The following PRKG1 variants were observed in gnomAD, a reference collection of about 807,000 sequenced individuals.
PRKG1 encodes cGMP-dependent protein kinase 1.
In PRKG1, 35 loss-of-function variants were observed where a neutral mutation model predicts 88.1. The ratio of observed to expected loss-of-function variants is 0.40; its 90% CI spans 0.30 to 0.53. PRKG1 has a LOEUF of 0.53. Ranked by LOEUF, PRKG1 falls within the 20% of genes least tolerant of loss-of-function variation. PRKG1 has a pLI of 0.59. For synonymous variants in PRKG1, 303 were observed against 292.5 expected, an observed-to-expected ratio of 1.04 and a Z score of -0.37; for missense variants, 540 against 839.8, an observed-to-expected ratio of 0.64 and a Z score of 4.41.
intron 5 of PRKG1, among the ~76,000 whole-genome samples, chr10:51,943,067 G>A (rs956122725): frequency 1.3e-5 from 2 of 151,968 alleles, no homozygotes; most frequent in Non-Finnish European, 2.9e-5. Flanking sequence ...TCACGATAAT[G>A]ATTCTTCCTA....
chr10:51,830,530 T>C (rs934095542), intron 4 of PRKG1, among the ~76,000 whole-genome samples: 2 of 151,700 alleles, frequency 1.3e-5, no homozygotes, highest in Non-Finnish European at 2.9e-5. Flanking sequence ...TAATTACTTA[T>C]TGAACTTCTC....
At chr10:51,141,713 A>G (rs1248185429) in intron 1 of PRKG1, among the ~76,000 whole-genome samples, 1 of 151,728 alleles carries the variant, frequency 6.6e-6, no homozygotes, top group Non-Finnish European at 1.5e-5. Flanking sequence ...CTTTCTTCCT[A>G]CCCCCTCTGT....
intron 4 of PRKG1, among the ~76,000 whole-genome samples, chr10:51,856,626 T>C (rs1326989999): frequency 1.3e-5 from 2 of 152,156 alleles, no homozygotes; most frequent in African/African-American, 4.8e-5. Flanking sequence ...AACGAAGTAT[T>C]AATATTGTAA....
intron 2 of PRKG1, among the ~76,000 whole-genome samples, chr10:51,324,604 G>A (rs1588839865): frequency 6.6e-6 from 1 of 151,662 alleles, no homozygotes; most frequent in Non-Finnish European, 1.5e-5. Flanking sequence ...AGCCGGGCGT[G>A]GTGGCGGGCG....
At chr10:51,419,337 T>C (rs150622478) in intron 2 of PRKG1, among the ~76,000 whole-genome samples, 16 of 152,270 alleles carry the variant, frequency 1.1e-4, no homozygotes, top group Admixed American at 7.9e-4. Context: ...AGGAATCTTA[T>C]GTAAAAGAAT....
chr10:51,134,059 C>T (rs1393918174), intron 1 of PRKG1, among the ~76,000 whole-genome samples: 1 of 152,128 alleles, frequency 6.6e-6, no homozygotes, highest in Non-Finnish European at 1.5e-5. Flanking sequence ...AAAAGTCTTA[C>T]AGATCTCAAA....
At chr10:52,035,294 G>A (rs897899717) in intron 5 of PRKG1, among the ~76,000 whole-genome samples, 1 of 152,130 alleles carries the variant, frequency 6.6e-6, no homozygotes, top group Non-Finnish European at 1.5e-5. Flanking sequence ...CCTGGGTGGG[G>A]CAAATCCTTG....
At chr10:51,990,143 A>G (rs903380212) in intron 5 of PRKG1, among the ~76,000 whole-genome samples, 3 of 152,126 alleles carry the variant, frequency 2.0e-5, no homozygotes, top group African/African-American at 7.2e-5. Flanking sequence ...CCCTAAATGC[A>G]TAAATTTATT....
intron 5 of PRKG1, among the ~76,000 whole-genome samples, chr10:51,939,049 C>T (rs1283283360): frequency 6.6e-6 from 1 of 151,880 alleles, no homozygotes; most frequent in Non-Finnish European, 1.5e-5. Context: ...AAAAATTCTT[C>T]TCGTTATGTG....
intron 4 of PRKG1, among the ~76,000 whole-genome samples, chr10:51,805,537 A>AT (rs1839282564): frequency 1.3e-5 from 2 of 152,054 alleles, no homozygotes; most frequent in South Asian, 4.1e-4. Flanking sequence ...TGAGCATATA[A>AT]TGAGTGTACT....
chr10:51,210,513 C>A (rs1838185078), intron 2 of PRKG1, among the ~76,000 whole-genome samples: 1 of 152,088 alleles, frequency 6.6e-6, no homozygotes, highest in African/African-American at 2.4e-5. Context: ...TTCAAAAAAT[C>A]AATGAATCCA....
chr10:51,876,223 T>TACACAC (rs3029926), intron 4 of PRKG1, among the ~76,000 whole-genome samples: 15 of 150,216 alleles, frequency 1.0e-4, no homozygotes, highest in South Asian at 4.2e-4. Flanking sequence ...ATATTTGTGT[T>TACACAC]ACACACACAC....
chr10:51,458,983 G>C (rs910246097), intron 2 of PRKG1, among the ~76,000 whole-genome samples: 4 of 152,096 alleles, frequency 2.6e-5, no homozygotes, highest in African/African-American at 9.7e-5. Flanking sequence ...CTAATGCCTT[G>C]AAATTTAGAT....
intron 9 of PRKG1, among the ~76,000 whole-genome samples, chr10:52,166,839 G>GTATATATATATTTATATATATGTATA (rs375678645): frequency 1.1e-5 from 1 of 90,494 alleles, no homozygotes. Flanking sequence ...GTATATATAT[G>GTATATATATATTTATATATATGTATA]TATATATATG....
At chr10:51,536,662 T>G (rs1842158359) in intron 3 of PRKG1, among the ~76,000 whole-genome samples, 1 of 152,024 alleles carries the variant, frequency 6.6e-6, no homozygotes, top group Admixed American at 6.6e-5. Flanking sequence ...TTATTATTAT[T>G]ATTATACTTT....
chr10:51,667,429 G>A, intron 3 of PRKG1, among the ~76,000 whole-genome samples: 1 of 151,956 alleles, frequency 6.6e-6, no homozygotes, highest in East Asian at 1.9e-4. Flanking sequence ...AAGCTAACTG[G>A]GTTTTTAACT....
intron 4 of PRKG1, among the ~76,000 whole-genome samples, chr10:51,854,141 G>A (rs1413447483): frequency 6.6e-6 from 1 of 152,018 alleles, no homozygotes; most frequent in East Asian, 1.9e-4. Flanking sequence ...TTTGATACAC[G>A]AGTCATAGTC....
At chr10:52,166,787 C>CTA (rs201538311) in intron 9 of PRKG1, among the ~76,000 whole-genome samples, 1,132 of 12,426 alleles carry the variant, frequency 0.091, 62 homozygotes, top group South Asian at 0.48. Flanking sequence ...ATAAAAAAGC[C>CTA]TATATATATA....
intron 1 of PRKG1, among the ~76,000 whole-genome samples, chr10:51,058,028 A>G (rs921256237): frequency 1.3e-5 from 2 of 152,112 alleles, no homozygotes; most frequent in Non-Finnish European, 2.9e-5. Context: ...ATTGCTGTGA[A>G]TTCTTTTCAA....
Sources: gnomAD v4.1 joint callset for allele counts (sites outside exome capture counted in the v4.1 genomes callset) on GRCh38, gnomAD v4.1.1 for gene constraint, MANE v1.5 for transcripts, NCBI Gene and HGNC (gene_info 2026-07-23, HGNC 2026-07-21) for gene names.